Variants in TNIK observed in about 807,000 individuals in gnomAD.
TNIK encodes the protein TRAF2 and NCK-interacting protein kinase.
A neutral mutation model predicts 191.3 loss-of-function variants in TNIK; 49 were observed. That is an observed-to-expected ratio of 0.26 (90% confidence interval 0.20 to 0.32). The LOEUF is 0.32. TNIK is among the 10% of genes least tolerant of loss of function. The probability of loss-of-function intolerance (pLI) is 1.00; values close to 1 mark genes in which losing one functional copy is unlikely to be tolerated. For missense variants in TNIK, 1,155 were observed against 1,702.3 expected (o/e 0.68, Z 5.66); for synonymous variants, 594 against 600.9 (o/e 0.99, Z 0.17).
intron 2 of TNIK, among the ~76,000 whole-genome samples, chr3:171,322,468 A>G (rs1461945677): frequency 6.6e-6 from 1 of 152,170 alleles, no homozygotes; most frequent in African/African-American, 2.4e-5. Flanking sequence ...TACCTTTCAG[A>G]ACCTTTTACA....
At chr3:171,157,690 A>T (rs1733399111) in intron 11 of TNIK, 26 bp from the exon 12 acceptor site, 9 of 1,551,172 alleles carry the variant, frequency 5.8e-6, no homozygotes, top group Non-Finnish European at 7.0e-6. Context: ...AGTGATCAGG[A>T]TCCCACGTGG....
chr3:171,257,925 G>C (rs1348155282), intron 2 of TNIK, among the ~76,000 whole-genome samples: 3 of 152,178 alleles, frequency 2.0e-5, no homozygotes, highest in Non-Finnish European at 2.9e-5. Context: ...CATTGCTGAT[G>C]AATCTCATTC....
At chr3:171,417,467 ATAGTTACTTATTTCTT>A in intron 1 of TNIK, among the ~76,000 whole-genome samples, 1 of 152,330 alleles carries the variant, frequency 6.6e-6, no homozygotes, top group Middle Eastern at 3.4e-3. Context: ...GAGAACTTTT[ATAGTTACTTATTTCTT>A]TAGAACTTAT....
At chr3:171,387,668 A>G (rs906653052) in intron 1 of TNIK, among the ~76,000 whole-genome samples, 1 of 152,184 alleles carries the variant, frequency 6.6e-6, no homozygotes, top group African/African-American at 2.4e-5. Context: ...AATAATGACA[A>G]CAATTGAAGT....
At chr3:171,451,136 G>T (rs932695077) in intron 1 of TNIK, among the ~76,000 whole-genome samples, 6 of 152,204 alleles carry the variant, frequency 3.9e-5, no homozygotes, top group African/African-American at 1.4e-4. Context: ...GCTGACTTGG[G>T]TAGCCAACAG....
chr3:171,191,176 C>A (rs1288632801), intron 5 of TNIK, among the ~76,000 whole-genome samples: 1 of 152,178 alleles, frequency 6.6e-6, no homozygotes, highest in Non-Finnish European at 1.5e-5. Context: ...AGAAAACTAA[C>A]CTGATTTAAC....
intron 10 of TNIK, among the ~76,000 whole-genome samples, chr3:171,165,117 G>A (rs1293708721): frequency 5.3e-5 from 8 of 151,660 alleles, no homozygotes; most frequent in Non-Finnish European, 7.4e-5. Context: ...GTGAGACCTC[G>A]TCTCTACTAA....
chr3:171,070,224 T>G (rs1040463773), intron 29 of TNIK, among the ~76,000 whole-genome samples: 1 of 152,198 alleles, frequency 6.6e-6, no homozygotes, highest in African/African-American at 2.4e-5. Flanking sequence ...CCATTTCCAT[T>G]AATGAATCTA....
At chr3:171,320,397 C>A (rs1464487779) in intron 2 of TNIK, among the ~76,000 whole-genome samples, 1 of 152,084 alleles carries the variant, frequency 6.6e-6, no homozygotes, top group Non-Finnish European at 1.5e-5. Context: ...AAAGAAAATA[C>A]ACAGGAAAAT....
chr3:171,076,894 A>G (rs1290056156), intron 28 of TNIK, among the ~76,000 whole-genome samples: 4 of 140,906 alleles, frequency 2.8e-5, no homozygotes, highest in Admixed American at 1.4e-4. Flanking sequence ...TTCTCACATC[A>G]TTTCCTTCTC....
At chr3:171,428,761 C>A (rs927643121) in intron 1 of TNIK, among the ~76,000 whole-genome samples, 1 of 152,038 alleles carries the variant, frequency 6.6e-6, no homozygotes, top group Non-Finnish European at 1.5e-5. Flanking sequence ...TCCTCAAATT[C>A]TCTCCATGGT....
chr3:171,459,810 T>C (rs1454767180), intron 1 of TNIK, among the ~76,000 whole-genome samples, 197 bp downstream of exon 1: 1 of 151,852 alleles, frequency 6.6e-6, no homozygotes, highest in African/African-American at 2.4e-5. Context: ...GGAAGACACG[T>C]ACCGCACAGC....
At chr3:171,454,966 A>G (rs948414978) in intron 1 of TNIK, among the ~76,000 whole-genome samples, 6 of 151,726 alleles carry the variant, frequency 4.0e-5, no homozygotes, top group Non-Finnish European at 8.8e-5. Flanking sequence ...GTAATACATA[A>G]AGAGAGAAAA....
intron 1 of TNIK, among the ~76,000 whole-genome samples, chr3:171,413,587 C>A (rs1046712514): frequency 6.6e-6 from 1 of 152,204 alleles, no homozygotes; most frequent in Non-Finnish European, 1.5e-5. Context: ...CCTCTTCCAG[C>A]AGACCTCCCA....
intron 4 of TNIK, among the ~76,000 whole-genome samples, chr3:171,206,018 T>C (rs1450499968): frequency 6.6e-6 from 1 of 152,298 alleles, no homozygotes; most frequent in South Asian, 2.1e-4. Flanking sequence ...CCATAACACA[T>C]TGCAACCCTT....
chr3:171,177,003 T>G (rs1208162324), intron 8 of TNIK, among the ~76,000 whole-genome samples: 2 of 152,230 alleles, frequency 1.3e-5, no homozygotes, highest in African/African-American at 4.8e-5. Context: ...TATAGTCTTG[T>G]GAGTTGGTCA....
chr3:171,343,135 GAGTCTA>G (rs1382219897), intron 2 of TNIK, among the ~76,000 whole-genome samples: 3 of 152,064 alleles, frequency 2.0e-5, no homozygotes, highest in African/African-American at 7.2e-5. Context: ...CCTCAAGGTA[GAGTCTA>G]ACTCCCCACT....
At chr3:171,254,823 T>C (rs1012017924) in intron 2 of TNIK, among the ~76,000 whole-genome samples, 1 of 152,220 alleles carries the variant, frequency 6.6e-6, no homozygotes, top group South Asian at 2.1e-4. Flanking sequence ...AGAAGTGATA[T>C]GCAAAATATA....
At chr3:171,458,201 G>A (rs895406163) in intron 1 of TNIK, among the ~76,000 whole-genome samples, 1 of 149,930 alleles carries the variant, frequency 6.7e-6, no homozygotes, top group African/African-American at 2.5e-5. Context: ...CCCAGTCGGG[G>A]CCATCCATCC....
Sources: gnomAD v4.1 joint callset for allele counts (sites outside exome capture counted in the v4.1 genomes callset) on GRCh38, gnomAD v4.1.1 for gene constraint, MANE v1.5 for transcripts, NCBI Gene and HGNC (gene_info 2026-07-23, HGNC 2026-07-21) for gene names.